EDA: variants seen among roughly 807,000 people sequenced by gnomAD.
The protein encoded by EDA is ectodysplasin A.
A neutral mutation model predicts 23.6 loss-of-function variants in EDA; 2 were observed. That is an observed-to-expected ratio of 0.08 (90% CI 0.03 to 0.27). The LOEUF is 0.27. Among genes scored for constraint, EDA ranks in the 10% least tolerant of loss-of-function variants. EDA has a pLI of 1.00. For synonymous variants in EDA, 131 were observed against 132.0 expected (o/e 0.99, Z 0.05); for missense variants, 229 against 324.2 (o/e 0.71, Z 2.26).
At chrX:69,830,468 C>A (rs1041455800) in intron 1 of EDA, among the ~76,000 whole-genome samples, 1 of 111,290 alleles carries the variant, frequency 9.0e-6, no homozygotes, top group Non-Finnish European at 1.9e-5. Context: ...TTTAAAGCTC[C>A]AAGTATAGGT....
intron 1 of EDA, among the ~76,000 whole-genome samples, chrX:69,709,553 T>C (rs2011883774): frequency 8.9e-6 from 1 of 112,222 alleles, no homozygotes; most frequent in Non-Finnish European, 1.9e-5. Flanking sequence ...ATAACTTTTA[T>C]ATCAAAAGTA....
At chrX:69,663,116 GA>G (rs781209083) in intron 1 of EDA, among the ~76,000 whole-genome samples, 7 of 112,463 alleles carry the variant, frequency 6.2e-5, no homozygotes, top group Non-Finnish European at 1.1e-4. Flanking sequence ...ATTTTCTGAG[GA>G]GAAATTCAAG....
chrX:69,989,754 A>C (rs2019556161), intron 2 of EDA, among the ~76,000 whole-genome samples: 1 of 110,712 alleles, frequency 9.0e-6, no homozygotes, highest in East Asian at 2.8e-4. Flanking sequence ...GCTCAATAGT[A>C]GAGTGGAGAT....
rs59449204 is a variant in EDA, at chrX:69,838,936, G to A, written c.397-118091G>A. Among the ~76,000 whole-genome samples the A allele has an allele frequency of 8.7e-3, 974 of 111,852 alleles. 8 individuals are homozygous for A. Among genetic ancestry groups the A allele is most frequent in the African/African-American group, 0.03 (917 of 30,813 alleles). ...TGGCATTTTGTTAGTCTAATTTTGT[G>A]ATGATATCCACACAAAGAAATAAAT... On this transcript the variant is annotated intron_variant, in intron 1 of 7. Coordinates refer to ENST00000374552, the MANE Select transcript of EDA (RefSeq NM_001399.5).
chrX:69,748,233 T>C (rs756463533), intron 1 of EDA, among the ~76,000 whole-genome samples: 1 of 111,135 alleles, frequency 9.0e-6, no homozygotes, highest in Non-Finnish European at 1.9e-5. Flanking sequence ...TGTGATCAGG[T>C]ACCTCAATTT....
intron 1 of EDA, among the ~76,000 whole-genome samples, chrX:69,786,020 G>C (rs1324738860): frequency 9.1e-6 from 1 of 109,773 alleles, no homozygotes; most frequent in Non-Finnish European, 1.9e-5. Flanking sequence ...GTTTAGTCTT[G>C]AGAGAGTGTA....
intron 1 of EDA, among the ~76,000 whole-genome samples, chrX:69,752,305 G>A (rs371589360): frequency 1.7e-4 from 19 of 111,435 alleles, no homozygotes; most frequent in Non-Finnish European, 2.4e-4. Context: ...GAATTTTGTC[G>A]AAGGCCTTTT....
intron 1 of EDA, among the ~76,000 whole-genome samples, chrX:69,650,582 G>A (rs143586192): frequency 0.024 from 2,736 of 111,978 alleles, 67 homozygotes; most frequent in African/African-American, 0.085. Context: ...GATTTGCAAT[G>A]TTCTCAACAC....
chrX:69,677,339 T>C (rs1934135940), intron 1 of EDA, among the ~76,000 whole-genome samples: 1 of 110,669 alleles, frequency 9.0e-6, no homozygotes, highest in Non-Finnish European at 1.9e-5. Context: ...TTTGGGTATA[T>C]ACCCAGTAAT....
intron 1 of EDA, among the ~76,000 whole-genome samples, chrX:69,849,594 T>C (rs775034966): frequency 7.5e-4 from 84 of 111,914 alleles, no homozygotes; most frequent in African/African-American, 2.6e-3. Flanking sequence ...ATTTCTCTCT[T>C]CTGTGAACTC....
intron 1 of EDA, among the ~76,000 whole-genome samples, chrX:69,708,650 T>A: frequency 9.0e-6 from 1 of 111,378 alleles, no homozygotes; most frequent in Non-Finnish European, 1.9e-5. Flanking sequence ...TTGAAGAAAA[T>A]TCTGCAACTC....
At chrX:69,778,864 A>G (rs1009353061) in intron 1 of EDA, among the ~76,000 whole-genome samples, 1 of 111,611 alleles carries the variant, frequency 9.0e-6, no homozygotes, top group African/African-American at 3.2e-5. Flanking sequence ...GCTGTTAGCA[A>G]ACGTTTTCTT....
At chrX:69,878,074 TTTTC>T (rs2017675214) in intron 1 of EDA, among the ~76,000 whole-genome samples, 2 of 112,443 alleles carry the variant, frequency 1.8e-5, no homozygotes, top group Non-Finnish European at 3.8e-5. Context: ...ACTTTGTTCT[TTTTC>T]TTTTTCTTTT....
At chrX:69,958,022 C>G (rs2083119900) in intron 2 of EDA, among the ~76,000 whole-genome samples, 2 of 111,892 alleles carry the variant, frequency 1.8e-5, no homozygotes, top group Non-Finnish European at 3.8e-5. Flanking sequence ...GTTGACTGCC[C>G]CTTCAGCTAG....
At chrX:69,628,796 A>G (rs1425257314) in intron 1 of EDA, among the ~76,000 whole-genome samples, 1 of 111,052 alleles carries the variant, frequency 9.0e-6, no homozygotes, top group Non-Finnish European at 1.9e-5. Flanking sequence ...ATGTTGATTT[A>G]TATTGTTCAT....
At chrX:69,633,636 T>C (rs1207469595) in intron 1 of EDA, among the ~76,000 whole-genome samples, 2 of 112,691 alleles carry the variant, frequency 1.8e-5, no homozygotes, top group Non-Finnish European at 3.7e-5. Context: ...TCTGGCCTTC[T>C]TCACTTAGCA....
chrX:69,636,348 G>C (rs746272054), intron 1 of EDA, among the ~76,000 whole-genome samples: 1 of 110,479 alleles, frequency 9.1e-6, no homozygotes, highest in Non-Finnish European at 1.9e-5. Context: ...CAGAAGCCAA[G>C]CAGATGTAGG....
intron 2 of EDA, among the ~76,000 whole-genome samples, chrX:69,958,396 C>T (rs1423802424): frequency 9.1e-6 from 1 of 110,058 alleles, no homozygotes; most frequent in African/African-American, 3.3e-5. Context: ...CTGATGGAAG[C>T]AGTTTTAGAG....
intron 1 of EDA, among the ~76,000 whole-genome samples, chrX:69,788,997 C>T (rs2015306654): frequency 8.9e-6 from 1 of 112,700 alleles, no homozygotes; most frequent in Non-Finnish European, 1.9e-5. Context: ...TCTCGTGGTG[C>T]CCCGTTTTTT....
Sources: gnomAD v4.1 joint callset for allele counts (sites outside exome capture counted in the v4.1 genomes callset) on GRCh38, gnomAD v4.1.1 for gene constraint, MANE v1.5 for transcripts, NCBI Gene and HGNC (gene_info 2026-07-23, HGNC 2026-07-21) for gene names.